Variants in DNAH14 observed in about 807,000 individuals in gnomAD.
The protein encoded by DNAH14 is dynein axonemal heavy chain 14.
A neutral mutation model predicts 520.9 loss-of-function variants in DNAH14; 478 were observed. The ratio of observed to expected loss-of-function variants is 0.92; its 90% CI spans 0.85 to 0.99. DNAH14 has a LOEUF of 0.99. Ranked by LOEUF, DNAH14 falls within the 50% of genes least tolerant of loss-of-function variation. The probability of loss-of-function intolerance (pLI) is 0.00; values close to 1 mark genes in which losing one functional copy is unlikely to be tolerated. For missense variants in DNAH14, 4,831 were observed against 5,234.5 expected, an observed-to-expected ratio of 0.92 and a Z score of 2.38; for synonymous variants, 1,581 against 1,757.2, an observed-to-expected ratio of 0.90 and a Z score of 2.51.
chr1:225,370,892 T>C (rs2095611082), intron 77 of DNAH14, among the ~76,000 whole-genome samples: 1 of 152,128 alleles, frequency 6.6e-6, no homozygotes, highest in Non-Finnish European at 1.5e-5. Context: ...ACAAATAAAA[T>C]TTGAAAATCT....
chr1:225,264,394 A>G (rs905288965), intron 47 of DNAH14, 133 bp downstream of exon 47: 10 of 790,280 alleles, frequency 1.3e-5, no homozygotes, highest in Non-Finnish European at 1.4e-5. Flanking sequence ...AGTCTCAAAA[A>G]CTATCCCACA....
At chr1:225,181,905 G>A (rs2084058165) in intron 36 of DNAH14, among the ~76,000 whole-genome samples, 1 of 152,178 alleles carries the variant, frequency 6.6e-6, no homozygotes, top group South Asian at 2.1e-4. Flanking sequence ...GAATAAATCA[G>A]GCTGGGTGCA....
intron 4 of DNAH14, 74 bp from the exon 5 acceptor site, chr1:224,964,405 G>A (rs2061029393): frequency 1.4e-6 from 2 of 1,391,912 alleles, no homozygotes; most frequent in African/African-American, 1.5e-5. Flanking sequence ...AGAAATATTT[G>A]TAATATTATG....
intron 19 of DNAH14, among the ~76,000 whole-genome samples, chr1:225,082,171 G>GGTGTGTGTGTGTGTGTGTGT (rs56658194): frequency 0.067 from 9,672 of 145,188 alleles, 452 homozygotes; most frequent in Non-Finnish European, 0.093. Context: ...GAATGTTTGT[G>GGTGTGTGTGTGTGTGTGTGT]GTGTGTGTGT....
chr1:225,259,278 T>A, intron 46 of DNAH14, 25 bp downstream of exon 46: 1 of 1,339,736 alleles, frequency 7.5e-7, no homozygotes, highest in Non-Finnish European at 9.8e-7. Context: ...CTTCTAAATT[T>A]GATTTGTCTG....
At chr1:225,318,739 A>G in intron 61 of DNAH14, 62 bp downstream of exon 61, 1 of 1,435,060 alleles carries the variant, frequency 7.0e-7, no homozygotes, top group Non-Finnish European at 9.5e-7. Context: ...ATTCATGTTT[A>G]CTAAGCCTAT....
At chr1:225,317,186 T>TC (rs1445451810) in intron 60 of DNAH14, among the ~76,000 whole-genome samples, 1 of 152,196 alleles carries the variant, frequency 6.6e-6, no homozygotes, top group Non-Finnish European at 1.5e-5. Context: ...TGTCAATATT[T>TC]CTTGAAAATG....
intron 36 of DNAH14, among the ~76,000 whole-genome samples, chr1:225,175,767 G>A (rs1225179495): frequency 2.8e-5 from 4 of 142,736 alleles, no homozygotes; most frequent in Non-Finnish European, 4.5e-5. Context: ...GCACTGGTGC[G>A]ATCTCAGCTC....
rs570909307 is a variant in DNAH14 at position 225,338,052 on chromosome 1, G to A, written c.10312-9G>A. ...GATTTTTCTTATTTTTGTCTATTGG[G>A]TTTTTCAGAATCTCCTTGAGACATT... On this transcript the variant is annotated splice_polypyrimidine_tract_variant and intron_variant, in intron 67 of 85. Coordinates refer to ENST00000682510, the MANE Select transcript of DNAH14 (RefSeq NM_001367479.1). The A allele has an allele frequency of 4.0e-6, 6 of 1,507,546 alleles. 1 individual carries two copies. In the South Asian group the frequency reaches 5.2e-5, roughly 13 times the overall value. The allele number at this position is 1,507,546 out of a possible 1,614,324, so 93.4% of individuals were successfully genotyped here. A position where few individuals can be genotyped will look rare whatever the true frequency, so the allele number is the denominator to read the frequency against.
intron 21 of DNAH14, among the ~76,000 whole-genome samples, chr1:225,086,575 TA>T (rs2073833638): frequency 6.6e-6 from 1 of 151,958 alleles, no homozygotes; most frequent in Non-Finnish European, 1.5e-5. Flanking sequence ...AGAGAGAAAG[TA>T]TATACACAAC....
chr1:225,287,959 T>G (rs2093785762), intron 54 of DNAH14, among the ~76,000 whole-genome samples: 1 of 152,138 alleles, frequency 6.6e-6, no homozygotes, highest in Non-Finnish European at 1.5e-5. Flanking sequence ...GGGCCCATAC[T>G]TATATAAATA....
chr1:224,944,740 C>T (rs2059676711), intron 1 of DNAH14, among the ~76,000 whole-genome samples: 1 of 152,124 alleles, frequency 6.6e-6, no homozygotes, highest in Non-Finnish European at 1.5e-5. Flanking sequence ...TTTATTTCTC[C>T]TTCACTTCTG....
chr1:224,986,601 A>G (rs533008970), intron 8 of DNAH14, among the ~76,000 whole-genome samples: 6 of 152,314 alleles, frequency 3.9e-5, no homozygotes, highest in South Asian at 2.1e-4. Context: ...ATGGATGCTG[A>G]AAAAGGATTT....
chr1:225,028,425 A>G (rs1558727048), intron 11 of DNAH14, among the ~76,000 whole-genome samples: 1 of 152,090 alleles, frequency 6.6e-6, no homozygotes, highest in Non-Finnish European at 1.5e-5. Flanking sequence ...ACAGTTGTTT[A>G]TAGTATTCAC....
intron 27 of DNAH14, among the ~76,000 whole-genome samples, chr1:225,125,992 G>A (rs1427563090): frequency 2.0e-5 from 3 of 152,162 alleles, no homozygotes; most frequent in East Asian, 1.9e-4. Flanking sequence ...GAAGGAGAGA[G>A]ATGGGGGAAT....
At chr1:224,951,909 G>C (rs2125492559) in intron 1 of DNAH14, among the ~76,000 whole-genome samples, 1 of 152,260 alleles carries the variant, frequency 6.6e-6, no homozygotes, top group Middle Eastern at 3.4e-3. Flanking sequence ...AAAGTGCTGG[G>C]ATTACAGGCG....
intron 8 of DNAH14, among the ~76,000 whole-genome samples, chr1:224,998,984 C>A (rs974059940): frequency 1.3e-5 from 2 of 151,930 alleles, no homozygotes; most frequent in South Asian, 2.1e-4. Context: ...TGGATTGATG[C>A]TTTTAACATT....
intron 36 of DNAH14, among the ~76,000 whole-genome samples, chr1:225,169,543 T>A (rs2149212272): frequency 6.6e-6 from 1 of 151,824 alleles, no homozygotes; most frequent in East Asian, 1.9e-4. Context: ...AGAAAGGTTA[T>A]AAATGAAGTG....
chr1:225,225,713 T>C (rs1479584209), intron 41 of DNAH14, among the ~76,000 whole-genome samples: 1 of 152,128 alleles, frequency 6.6e-6, no homozygotes, highest in East Asian at 1.9e-4. Flanking sequence ...AACATAAAAC[T>C]TGTGGTTTTA....
Sources: allele counts gnomAD v4.1 joint callset (sites outside exome capture counted in the v4.1 genomes callset), GRCh38; gene constraint gnomAD v4.1.1; transcripts MANE v1.5; gene names NCBI Gene and HGNC (gene_info 2026-07-23, HGNC 2026-07-21).